EBF1: variants seen among roughly 807,000 people sequenced by gnomAD.
EBF1 encodes the protein EBF transcription factor 1.
Under a neutral mutation model 68.4 loss-of-function variants are expected in EBF1, and 10 were observed. That is an observed-to-expected ratio of 0.15 (90% CI 0.09 to 0.25). The LOEUF is 0.25. EBF1 is among the 10% of genes least tolerant of loss of function. The pLI is 1.00. For synonymous variants in EBF1, 298 were observed against 299.8 expected (o/e 0.99, Z 0.06); for missense variants, 509 against 794.4 (o/e 0.64, Z 4.32).
chr5:158,882,303 A>G (rs549706925), intron 6 of EBF1, among the ~76,000 whole-genome samples: 1 of 152,324 alleles, frequency 6.6e-6, no homozygotes, highest in South Asian at 2.1e-4. Flanking sequence ...ACGTCTCTCC[A>G]TTTGGTATAA....
At chr5:158,864,957 G>A (rs1795626277) in intron 6 of EBF1, among the ~76,000 whole-genome samples, 1 of 152,182 alleles carries the variant, frequency 6.6e-6, no homozygotes, top group Non-Finnish European at 1.5e-5. Context: ...GCTCTGCCAG[G>A]AGGTGCCCTC....
rs867462691 is a variant in EBF1, at chr5:158,698,871, A to C, written c.*240T>G. On this transcript the variant is annotated 3_prime_UTR_variant, in exon 16 of 16. Transcript: ENST00000313708. ...GTGGATTTGCTTTTGTCAATACAGA[A>C]TAAATATATCCCCCAAATACTTGGG... 1 of 411,950 alleles carries C rather than the reference A, an allele frequency of 2.4e-6. No individual in the cohort carries two copies. Among genetic ancestry groups the C allele is most frequent in the African/African-American group, 2.1e-5 (1 of 48,744 alleles). 25.5% of individuals were successfully genotyped at this position (411,950 alleles called of 1,614,324 possible).
chr5:159,024,301 A>T (rs150187450), intron 6 of EBF1, among the ~76,000 whole-genome samples: 5 of 152,336 alleles, frequency 3.3e-5, no homozygotes, highest in Admixed American at 3.3e-4. Context: ...CCTGCGTGAC[A>T]GTTGACAAGC....
At chr5:158,949,063 T>A (rs977516481) in intron 6 of EBF1, among the ~76,000 whole-genome samples, 5 of 152,352 alleles carry the variant, frequency 3.3e-5, no homozygotes, top group Admixed American at 3.3e-4. Flanking sequence ...TTCAAGGCCC[T>A]TCCTTTTTTA....
chr5:158,957,662 T>G (rs1817407786), intron 6 of EBF1, among the ~76,000 whole-genome samples: 1 of 152,238 alleles, frequency 6.6e-6, no homozygotes, highest in South Asian at 2.1e-4. Context: ...CCTCTTCTTT[T>G]TATTTGGGTC....
At chr5:158,816,419 A>G (rs1387569945) in intron 8 of EBF1, among the ~76,000 whole-genome samples, 2 of 152,246 alleles carry the variant, frequency 1.3e-5, no homozygotes, top group Admixed American at 1.3e-4. Flanking sequence ...ATGGATTTTG[A>G]GAGAAACAAG....
At chr5:158,946,029 C>G (rs1814600679) in intron 6 of EBF1, among the ~76,000 whole-genome samples, 1 of 152,098 alleles carries the variant, frequency 6.6e-6, no homozygotes, top group Non-Finnish European at 1.5e-5. Flanking sequence ...TTTTCAGCTC[C>G]ATCAGGTCAT....
chr5:159,066,821 AAAGAC>A (rs1776891053), intron 6 of EBF1, among the ~76,000 whole-genome samples: 1 of 152,230 alleles, frequency 6.6e-6, no homozygotes, highest in South Asian at 2.1e-4. Flanking sequence ...GGGAGCAATG[AAAGAC>A]AAACCTGTAC....
At chr5:159,060,849 A>G (rs993274799) in intron 6 of EBF1, among the ~76,000 whole-genome samples, 4 of 152,046 alleles carry the variant, frequency 2.6e-5, no homozygotes, top group Non-Finnish European at 1.5e-5. Flanking sequence ...CCTTTCATCT[A>G]TCTACTGTGC....
chr5:158,887,696 T>C (rs1800323492), intron 6 of EBF1, among the ~76,000 whole-genome samples: 1 of 152,236 alleles, frequency 6.6e-6, no homozygotes, highest in African/African-American at 2.4e-5. Context: ...TTCTCTGTGA[T>C]TGGAAGCGTC....
chr5:158,851,305 G>A (rs1030095530), intron 6 of EBF1, among the ~76,000 whole-genome samples: 4 of 140,406 alleles, frequency 2.8e-5, no homozygotes, highest in African/African-American at 1.0e-4. Flanking sequence ...AACCTAGGAG[G>A]TAGAAGTTGC....
At chr5:158,765,436 T>C (rs1420471695) in intron 10 of EBF1, among the ~76,000 whole-genome samples, 1 of 150,656 alleles carries the variant, frequency 6.6e-6, no homozygotes, top group African/African-American at 2.5e-5. Context: ...GATATTTAAA[T>C]GTGAATATAT....
At chr5:158,735,882 A>C (rs1765077353) in intron 10 of EBF1, among the ~76,000 whole-genome samples, 1 of 152,168 alleles carries the variant, frequency 6.6e-6, no homozygotes, top group African/African-American at 2.4e-5. Context: ...GGTGGTCAAG[A>C]CAGAACAGCT....
rs189572851 is a variant in EBF1, at chr5:158,798,520, C to T, written c.779-2045G>A. On this transcript the variant is annotated intron_variant, in intron 8 of 15. Coordinates refer to ENST00000313708, the MANE Select transcript of EBF1 (RefSeq NM_024007.5). ...GGGGTGTTTCTGTGTCTTTGAGAAA[C>T]CCTCCTACAGGAAAGGCCTTAAAAT... 2.8e-3 allele frequency among the ~76,000 whole-genome samples: 422 copies of T among 152,168 alleles called. 1 individual carries two copies. Among genetic ancestry groups the T allele is most frequent in the Non-Finnish European group, 4.6e-3 (313 of 68,010 alleles).
At chr5:158,949,774 G>A (rs775303697) in intron 6 of EBF1, among the ~76,000 whole-genome samples, 6 of 152,128 alleles carry the variant, frequency 3.9e-5, no homozygotes, top group East Asian at 1.9e-4. Context: ...TCAAATGTGC[G>A]CTAAGCCATA....
intron 6 of EBF1, among the ~76,000 whole-genome samples, chr5:158,854,470 C>T (rs992484925): frequency 1.2e-4 from 18 of 152,132 alleles, no homozygotes; most frequent in Non-Finnish European, 8.8e-5. Context: ...GCATCTGGTC[C>T]CAGAAGCAAA....
chr5:158,777,017 T>C (rs1775434662), intron 10 of EBF1, among the ~76,000 whole-genome samples: 1 of 152,152 alleles, frequency 6.6e-6, no homozygotes, highest in Non-Finnish European at 1.5e-5. Context: ...CAATTGTATG[T>C]AATACAAGTG....
At chr5:158,717,253 T>G (rs1175649359) in intron 11 of EBF1, among the ~76,000 whole-genome samples, 1 of 152,186 alleles carries the variant, frequency 6.6e-6, no homozygotes, top group Non-Finnish European at 1.5e-5. Context: ...TTTTTTGCAG[T>G]TTTATATGGT....
At chr5:158,792,346 GA>G (rs1400890787) in intron 9 of EBF1, among the ~76,000 whole-genome samples, 1 of 152,160 alleles carries the variant, frequency 6.6e-6, no homozygotes, top group Non-Finnish European at 1.5e-5. Flanking sequence ...GCTGAGTTAG[GA>G]GCAATAAAGT....
Sources: allele counts gnomAD v4.1 joint callset (sites outside exome capture counted in the v4.1 genomes callset), GRCh38; gene constraint gnomAD v4.1.1; transcripts MANE v1.5; gene names NCBI Gene and HGNC (gene_info 2026-07-23, HGNC 2026-07-21).